Variants in PTK2 observed in about 807,000 individuals in gnomAD.
PTK2 encodes protein tyrosine kinase 2.
A neutral mutation model predicts 150.1 loss-of-function variants in PTK2; 45 were observed. The ratio of observed to expected loss-of-function variants is 0.30; its 90% CI spans 0.24 to 0.38. The LOEUF (loss-of-function observed/expected upper bound fraction) is 0.38. PTK2 is among the 10% of genes least tolerant of loss of function. The probability of loss-of-function intolerance (pLI) is 1.00; values close to 1 mark genes in which losing one functional copy is unlikely to be tolerated. For missense variants in PTK2, 919 were observed against 1,307.3 expected (o/e 0.70, Z 4.58); for synonymous variants, 432 against 449.2 (o/e 0.96, Z 0.48).
chr8:140,814,375 T>C (rs1474504807), intron 10 of PTK2, among the ~76,000 whole-genome samples: 2 of 152,122 alleles, frequency 1.3e-5, no homozygotes, highest in Non-Finnish European at 2.9e-5. Context: ...AGGCCAATAT[T>C]ATTGATGAAC....
chr8:140,963,228 C>T (rs781297888), intron 1 of PTK2, among the ~76,000 whole-genome samples: 1 of 152,112 alleles, frequency 6.6e-6, no homozygotes, highest in Non-Finnish European at 1.5e-5. Flanking sequence ...TTTCCACGAG[C>T]TATACTCTGT....
chr8:140,923,045 C>T (rs1337561637), intron 2 of PTK2, among the ~76,000 whole-genome samples: 2 of 152,168 alleles, frequency 1.3e-5, no homozygotes, highest in Non-Finnish European at 2.9e-5. Context: ...AACCTGGTTT[C>T]TGTGACTTTA....
intron 22 of PTK2, among the ~76,000 whole-genome samples, chr8:140,724,491 A>T (rs983875309): frequency 7.9e-5 from 12 of 152,196 alleles, no homozygotes; most frequent in African/African-American, 2.4e-4. Context: ...AAAACTTTTT[A>T]AAAAAGATTG....
At chr8:140,849,823 T>C (rs1284596214) in intron 5 of PTK2, among the ~76,000 whole-genome samples, 2 of 152,200 alleles carry the variant, frequency 1.3e-5, no homozygotes, top group Non-Finnish European at 1.5e-5. Context: ...GTTGAACACG[T>C]ATTAAAGTCA....
chr8:140,902,932 T>TTTG (rs2100159186), intron 2 of PTK2, among the ~76,000 whole-genome samples: 1 of 97,064 alleles, frequency 1.0e-5, no homozygotes, highest in Admixed American at 1.3e-4. Context: ...TTGTTTTTTT[T>TTTG]TTTTTTTTTT....
chr8:140,879,285 C>A, intron 4 of PTK2, 186 bp downstream of exon 4: 2 of 526,252 alleles, frequency 3.8e-6, no homozygotes, highest in Non-Finnish European at 6.1e-6. Context: ...ATTAATAATA[C>A]CCAAAAGCTA....
intron 26 of PTK2, among the ~76,000 whole-genome samples, chr8:140,698,989 G>A (rs1421785658): frequency 1.4e-5 from 2 of 138,238 alleles, no homozygotes; most frequent in Non-Finnish European, 3.0e-5. Context: ...GGCTGGTCTC[G>A]AACTCCTGGC....
At chr8:141,001,289 T>A (rs928833689), upstream of PTK2, 1 of 146,152 alleles carries the variant, frequency 6.8e-6, no homozygotes. Flanking sequence ...CCGTGCTGCG[T>A]CGGCGCGGGC....
At chr8:140,704,401 A>T (rs2100032505) in intron 24 of PTK2, among the ~76,000 whole-genome samples, 1 of 152,212 alleles carries the variant, frequency 6.6e-6, no homozygotes, top group Non-Finnish European at 1.5e-5. Flanking sequence ...AAGCCCTTAG[A>T]GACAAGTCCC....
chr8:140,918,611 G>A (rs770211840), intron 2 of PTK2, among the ~76,000 whole-genome samples: 5 of 152,166 alleles, frequency 3.3e-5, no homozygotes, highest in Non-Finnish European at 5.9e-5. Context: ...ACCGCACAGT[G>A]AGCTTGGTTC....
At chr8:140,969,283 AAG>A (rs1400509911) in intron 1 of PTK2, among the ~76,000 whole-genome samples, 1 of 152,220 alleles carries the variant, frequency 6.6e-6, no homozygotes, top group African/African-American at 2.4e-5. Context: ...CCCATAGAAA[AAG>A]AAAATCAAGA....
intron 1 of PTK2, among the ~76,000 whole-genome samples, chr8:140,946,905 C>A (rs2100177903): frequency 6.6e-6 from 1 of 152,180 alleles, no homozygotes; most frequent in Admixed American, 6.5e-5. Flanking sequence ...ATTGTAAAGT[C>A]ATAGTTCAAA....
At chr8:140,675,336 G>T in intron 28 of PTK2, 124 bp downstream of exon 31, 1 of 999,308 alleles carries the variant, frequency 1.0e-6, no homozygotes, top group Non-Finnish European at 1.5e-6. Context: ...CATCGTACTT[G>T]CTGTGGTCTG....
chr8:140,714,420 G>T (rs879894199), intron 23 of PTK2, among the ~76,000 whole-genome samples: 2 of 150,364 alleles, frequency 1.3e-5, no homozygotes, highest in Non-Finnish European at 3.0e-5. Context: ...CAGCTCAAGA[G>T]AGCTTGGGCA....
intron 30 of PTK2, among the ~76,000 whole-genome samples, chr8:140,667,993 C>CT (rs1453394874): frequency 1.3e-5 from 2 of 152,222 alleles, no homozygotes; most frequent in Non-Finnish European, 2.9e-5. Flanking sequence ...TCACTGCAGA[C>CT]TTTATGTGTG....
intron 5 of PTK2, among the ~76,000 whole-genome samples, chr8:140,858,472 C>T (rs1280741612): frequency 6.6e-6 from 1 of 151,264 alleles, no homozygotes; most frequent in Admixed American, 6.6e-5. Flanking sequence ...ATCCACGACT[C>T]GTTTGTAATG....
chr8:140,966,540 CT>C (rs2100185377), intron 1 of PTK2, among the ~76,000 whole-genome samples: 2 of 152,108 alleles, frequency 1.3e-5, no homozygotes, highest in Non-Finnish European at 2.9e-5. Flanking sequence ...TCCATCTTTA[CT>C]AAGAACAGAA....
chr8:140,806,065 T>A (rs2100098014), intron 10 of PTK2, among the ~76,000 whole-genome samples: 1 of 152,194 alleles, frequency 6.6e-6, no homozygotes, highest in Non-Finnish European at 1.5e-5. Context: ...AGATGTCACA[T>A]GAAGCATGGG....
chr8:140,735,239 G>A lies in PTK2; in HGVS notation c.2030+12C>T, dbSNP rs370431373. ...CCCCCACCCCCAGGCCCTCTCTCCC[G>A]CCAACTCCTACCTGAGCTGAGCTTT... On this transcript the variant is annotated intron_variant, in intron 22 of 31. Transcript: ENST00000522684. 1.1e-5 allele frequency: 17 copies of A among 1,611,704 alleles called. No homozygotes were observed. Among genetic ancestry groups the A allele is most frequent in the Middle Eastern group, 1.7e-4 (1 of 5,920 alleles).
Sources: allele counts gnomAD v4.1 joint callset (sites outside exome capture counted in the v4.1 genomes callset), GRCh38; gene constraint gnomAD v4.1.1; transcripts MANE v1.5; gene names NCBI Gene and HGNC (gene_info 2026-07-23, HGNC 2026-07-21).